Variants in ITGAE observed in about 807,000 individuals in gnomAD.
ITGAE encodes integrin alpha-E.
Under a neutral mutation model 136.5 loss-of-function variants are expected in ITGAE, and 99 were observed. That is an observed-to-expected ratio of 0.73 (90% CI 0.62 to 0.86). ITGAE has a LOEUF of 0.86. Among genes scored for constraint, ITGAE ranks in the 40% least tolerant of loss-of-function variants. ITGAE has a pLI of 0.00. For synonymous variants in ITGAE, 613 were observed against 591.8 expected, an observed-to-expected ratio of 1.04 and a Z score of -0.52; for missense variants, 1,447 against 1,515.3, an observed-to-expected ratio of 0.95 and a Z score of 0.75.
chr17:3,798,672 G>C lies in ITGAE; in HGVS notation c.34+2439C>G, dbSNP rs565105491. 4.6e-5 allele frequency among the ~76,000 whole-genome samples: 7 copies of C among 152,346 alleles called. No homozygotes were observed. Among genetic ancestry groups the C allele is most frequent in the African/African-American group, 1.7e-4 (7 of 41,582 alleles). On this transcript the variant is annotated intron_variant, in intron 1 of 30. Transcript: ENST00000263087. The surrounding 1 kb of genome is among the most constrained non-coding windows in gnomAD (Gnocchi z 4.3). The stretch of plus-strand genomic sequence containing the variant: ...CGTGCCACCAGCAGAGCGGGCCCTG[G>C]ACTTCTGGTTCCTTCTTCTTCACCC...
intron 2 of ITGAE, among the ~76,000 whole-genome samples, chr17:3,768,638 T>A (rs1015647071): frequency 6.6e-6 from 1 of 152,182 alleles, no homozygotes; most frequent in Non-Finnish European, 1.5e-5. Flanking sequence ...CTTATTCTCC[T>A]TCCCCAGCCT....
chr17:3,716,021 G>A (rs770035390), intron 30 of ITGAE, among the ~76,000 whole-genome samples: 4 of 152,034 alleles, frequency 2.6e-5, no homozygotes, highest in Non-Finnish European at 5.9e-5. Flanking sequence ...GCCAGGCATG[G>A]TGGCACATTC....
intron 1 of ITGAE, among the ~76,000 whole-genome samples, chr17:3,789,111 G>A (rs990303421): frequency 3.9e-5 from 6 of 152,052 alleles, no homozygotes; most frequent in African/African-American, 1.4e-4. Flanking sequence ...GCTGCACACA[G>A]TGGAGCCTGC....
At chr17:3,760,430 CTTTTTTTTTTT>C (rs1208333239) in intron 6 of ITGAE, 143 bp from the exon 7 acceptor site, 7 of 64,212 alleles carry the variant, frequency 1.1e-4, no homozygotes, top group South Asian at 5.9e-4. Context: ...AAGAGGGAAG[CTTTTTTTTTTT>C]TTTTTTTTTT....
chr17:3,750,179 T>C (rs1308195365), intron 16 of ITGAE, among the ~76,000 whole-genome samples, 173 bp downstream of exon 16: 4 of 146,978 alleles, frequency 2.7e-5, no homozygotes, highest in African/African-American at 1.0e-4. Flanking sequence ...GCCCAAAGGC[T>C]GAGAGGGCTG....
At chr17:3,724,137 G>C (rs1567756000) in intron 26 of ITGAE, 2 of 1,595,524 alleles carry the variant, frequency 1.3e-6, no homozygotes, top group Non-Finnish European at 1.7e-6. Context: ...CGATCCCGAC[G>C]ACCCCGACTT....
chr17:3,747,762 G>A (rs991420750), intron 17 of ITGAE, among the ~76,000 whole-genome samples, 160 bp downstream of exon 17: 4 of 152,040 alleles, frequency 2.6e-5, no homozygotes. Flanking sequence ...AACAAACCTG[G>A]AGACTAAGGA....
intron 1 of ITGAE, among the ~76,000 whole-genome samples, chr17:3,778,576 C>A (rs986565344): frequency 2.0e-5 from 3 of 149,324 alleles, no homozygotes; most frequent in Non-Finnish European, 4.4e-5. Flanking sequence ...ACAACAACAA[C>A]AAATATCATT....
intron 2 of ITGAE, among the ~76,000 whole-genome samples, chr17:3,777,099 T>G (rs942459932): frequency 6.6e-6 from 1 of 152,112 alleles, no homozygotes; most frequent in Non-Finnish European, 1.5e-5. Flanking sequence ...TAGCTGGGAC[T>G]ACAGGCGCCC....
chr17:3,729,528 G>C lies in ITGAE; in HGVS notation c.2862C>G (p.Asn954Lys), dbSNP rs532132211. 6.7e-5 allele frequency: 108 copies of C among 1,609,902 alleles called. No homozygotes were observed. The East Asian group carries it at 1.5e-3, about 22-fold the overall frequency. The change falls in exon 24 of 31, where the codon AAC becomes AAG. Residue 954 changes from asparagine to lysine, a missense_variant. Asn to Lys is a moderately conservative substitution (Grantham distance 94, BLOSUM62 0). Transcript: ENST00000263087. ...TNSNERRSLA[N>K]ETHTLQFRHG... The stretch of plus-strand genomic sequence containing the variant: ...GCCTGAATTGAAGGGTGTGGGTCTC[G>C]TTGGCCAAAGACCGTCTTTCATTGG...
chr17:3,790,104 A>G (rs1304757952), intron 1 of ITGAE, among the ~76,000 whole-genome samples: 1 of 152,198 alleles, frequency 6.6e-6, no homozygotes, highest in African/African-American at 2.4e-5. Context: ...TCTAGGAAGG[A>G]TCTAAGGGCC....
intron 2 of ITGAE, among the ~76,000 whole-genome samples, chr17:3,776,686 T>G (rs949586573): frequency 6.6e-6 from 1 of 152,104 alleles, no homozygotes; most frequent in Non-Finnish European, 1.5e-5. Context: ...GCCTCCCAAG[T>G]AGCTGAGACT....
intron 1 of ITGAE, chr17:3,784,214 T>C (rs768145151): frequency 1.8e-4 from 45 of 244,760 alleles, no homozygotes; most frequent in South Asian, 2.6e-4. Context: ...GAGCCGAGAT[T>C]GCGCCACTGC....
At chr17:3,786,888 CAA>C (rs1268482931) in intron 1 of ITGAE, among the ~76,000 whole-genome samples, 19 of 35,300 alleles carry the variant, frequency 5.4e-4, no homozygotes, top group African/African-American at 1.1e-3. Flanking sequence ...GACTCCATCT[CAA>C]AAAAAAAAAA....
intron 17 of ITGAE, among the ~76,000 whole-genome samples, chr17:3,746,680 G>A (rs1337037260): frequency 2.0e-5 from 3 of 151,878 alleles, no homozygotes; most frequent in African/African-American, 7.3e-5. Context: ...GGATGGTCTC[G>A]ATCTCCTGAC....
chr17:3,765,512 G>C (rs1045715780), intron 2 of ITGAE, among the ~76,000 whole-genome samples: 1 of 151,976 alleles, frequency 6.6e-6, no homozygotes, highest in East Asian at 1.9e-4. Flanking sequence ...TATCGGCATG[G>C]CTTACAGAAT....
chr17:3,758,673 A>G (rs940936810), intron 8 of ITGAE, among the ~76,000 whole-genome samples: 1 of 150,184 alleles, frequency 6.7e-6, no homozygotes. Flanking sequence ...GCTGGTCTTG[A>G]ACTCCTGACC....
At chr17:3,755,364 A>AGG in intron 11 of ITGAE, 103 bp from the exon 12 acceptor site, 2 of 1,351,826 alleles carry the variant, frequency 1.5e-6, no homozygotes, top group Non-Finnish European at 2.0e-6. Context: ...GGCTGGGAGC[A>AGG]GGGGGGCGTT....
At chr17:3,730,991 G>A (rs1418867124) in intron 23 of ITGAE, 113 bp downstream of exon 23, 1 of 767,508 alleles carries the variant, frequency 1.3e-6, no homozygotes, top group Non-Finnish European at 2.2e-6. Flanking sequence ...GCTCACTGGG[G>A]TTTCCTTTCT....
Sources: allele counts gnomAD v4.1 joint callset (sites outside exome capture counted in the v4.1 genomes callset), GRCh38; gene constraint gnomAD v4.1.1; non-coding constraint Gnocchi (gnomAD v3.1); transcripts MANE v1.5; gene names NCBI Gene and HGNC (gene_info 2026-07-23, HGNC 2026-07-21).